The following OPCML variants were observed in gnomAD, a reference collection of about 807,000 sequenced individuals.
OPCML encodes the protein opioid-binding protein/cell adhesion molecule.
In OPCML, 13 loss-of-function variants were observed where a neutral mutation model predicts 37.8. The ratio of observed to expected loss-of-function variants is 0.34; its 90% CI spans 0.22 to 0.55. The LOEUF (loss-of-function observed/expected upper bound fraction) is 0.55. OPCML is among the 20% of genes least tolerant of loss of function. The probability of loss-of-function intolerance (pLI) is 0.91; values close to 1 mark genes in which losing one functional copy is unlikely to be tolerated. For missense variants in OPCML, 341 were observed against 435.6 expected (o/e 0.78, Z 1.93); for synonymous variants, 176 against 168.8 (o/e 1.04, Z -0.33).
intron 4 of OPCML, among the ~76,000 whole-genome samples, chr11:132,485,361 T>G (rs2096196373): frequency 6.6e-6 from 1 of 152,120 alleles, no homozygotes; most frequent in Non-Finnish European, 1.5e-5. Context: ...TTTGTGTTTT[T>G]TGTTTGTTTG....
At position 132,781,211 on chromosome 11, in the gene OPCML, G is replaced by A. The variant is rs576613610; in HGVS notation, c.147-123892C>T. On this transcript the variant is annotated intron_variant, in intron 2 of 7. Coordinates refer to ENST00000524381, the MANE Select transcript of OPCML (RefSeq NM_001012393.5). ...TGGGTGTGGCTGTGAGGTCATTTCCGGATAAGACAAACTCTCGAATAGGTG... is the reference window on the plus strand; with the variant it reads ...TGGGTGTGGCTGTGAGGTCATTTCCAGATAAGACAAACTCTCGAATAGGTG... Among the ~76,000 whole-genome samples, 21 of 152,178 alleles carry A rather than the reference G, an allele frequency of 1.4e-4. No individual in the cohort carries two copies. The South Asian group carries it at 2.3e-3, about 17-fold the overall frequency.
intron 1 of OPCML, among the ~76,000 whole-genome samples, chr11:133,106,010 T>C (rs1205728476): frequency 2.2e-5 from 3 of 136,066 alleles, no homozygotes; most frequent in African/African-American, 8.5e-5. Context: ...AAAAAAAGAA[T>C]ACTTTTGTAG....
At chr11:132,713,515 A>G (rs535055660) in intron 2 of OPCML, among the ~76,000 whole-genome samples, 5 of 152,346 alleles carry the variant, frequency 3.3e-5, no homozygotes, top group East Asian at 1.9e-4. Context: ...ATGATAAAAA[A>G]AGGATCTTAT....
chr11:132,620,095 A>G (rs1939309412), intron 3 of OPCML, among the ~76,000 whole-genome samples: 1 of 151,648 alleles, frequency 6.6e-6, no homozygotes, highest in African/African-American at 2.4e-5. Flanking sequence ...ATACTGTTGA[A>G]TAGTAACCAC....
At chr11:133,254,954 G>T (rs1461164724) in intron 1 of OPCML, among the ~76,000 whole-genome samples, 1 of 152,158 alleles carries the variant, frequency 6.6e-6, no homozygotes, top group Non-Finnish European at 1.5e-5. Flanking sequence ...CAAATAAGAG[G>T]CAGGAAAGCC....
chr11:133,340,949 T>TA (rs1943855997), intron 1 of OPCML, among the ~76,000 whole-genome samples: 1 of 152,128 alleles, frequency 6.6e-6, no homozygotes, highest in Non-Finnish European at 1.5e-5. Flanking sequence ...ATACCAGTGT[T>TA]AAAAAGATGC....
rs749701062 is a variant in OPCML at position 132,436,736 on chromosome 11, G to A, written c.687C>T (p.Val229=). The change falls in exon 6 of 8, where the codon GTC becomes GTT. Residue 229 remains valine (V), a synonymous_variant. Transcript: ENST00000524381. The part of the protein sequence containing the change: ...ISKAKNTGVS[V]GQKGILSCEA... Reference sequence around the variant, plus strand: ...CACAGCTCAGGATGCCCTTCTGACCGACTGAAACACCAGTGTTCTTGGCTT... The same window carrying A: ...CACAGCTCAGGATGCCCTTCTGACCAACTGAAACACCAGTGTTCTTGGCTT... 14 of 1,614,076 alleles carry A rather than the reference G, an allele frequency of 8.7e-6. No homozygotes were observed. Among genetic ancestry groups the A allele is most frequent in the Middle Eastern group, 1.6e-4 (1 of 6,062 alleles).
chr11:132,735,859 C>G, intron 2 of OPCML, among the ~76,000 whole-genome samples: 1 of 152,110 alleles, frequency 6.6e-6, no homozygotes, highest in East Asian at 1.9e-4. Flanking sequence ...TTAAAGAGAT[C>G]TTTGGATGCC....
At chr11:132,833,331 G>A (rs769027803) in intron 2 of OPCML, among the ~76,000 whole-genome samples, 1 of 152,010 alleles carries the variant, frequency 6.6e-6, no homozygotes, top group Non-Finnish European at 1.5e-5. Flanking sequence ...GCCGAGGCCT[G>A]CACAGGGTCA....
At chr11:133,344,581 T>C (rs1023699443) in intron 1 of OPCML, among the ~76,000 whole-genome samples, 1 of 152,192 alleles carries the variant, frequency 6.6e-6, no homozygotes, top group Admixed American at 6.5e-5. Context: ...ACATGTGGCA[T>C]GCTGGCCATG....
At chr11:132,850,583 A>C (rs751701033) in intron 2 of OPCML, among the ~76,000 whole-genome samples, 1 of 152,098 alleles carries the variant, frequency 6.6e-6, no homozygotes. Flanking sequence ...ACTCATGTGT[A>C]TAGTTTGTAT....
chr11:132,804,695 C>T (rs1173158856), intron 2 of OPCML, among the ~76,000 whole-genome samples: 3 of 152,132 alleles, frequency 2.0e-5, no homozygotes, highest in South Asian at 2.1e-4. Flanking sequence ...AAGCCTCAAA[C>T]GAAGCCCTGA....
Position 133,332,464 on chromosome 11 carries a change from T to C in OPCML, c.61+199800A>G, listed in dbSNP as rs1208019515. 2.0e-5 allele frequency among the ~76,000 whole-genome samples: 3 copies of C among 152,120 alleles called. No individual in the cohort carries two copies. The East Asian group carries it at 5.8e-4, about 29-fold the overall frequency. On this transcript the variant is annotated intron_variant, in intron 1 of 7. Coordinates refer to ENST00000524381, the MANE Select transcript of OPCML (RefSeq NM_001012393.5). ...TTGGCTAGCACTTCCCATACTATGT[T>C]GAATAGAAGTGGTGAGAGAATAGAA... is the stretch of plus-strand genomic sequence containing the variant.
In OPCML at chr11:133,054,663, G is replaced by A. The variant is rs184592239; in HGVS notation, c.62-111653C>T. Among the ~76,000 whole-genome samples the A allele has an allele frequency of 2.3e-3, 348 of 152,268 alleles. 2 individuals carry two copies. The highest frequency in any genetic ancestry group is 7.5e-3 in the African/African-American group (310 of 41,570). On this transcript the variant is annotated intron_variant, in intron 1 of 7. Coordinates refer to ENST00000524381, the MANE Select transcript of OPCML (RefSeq NM_001012393.5). ...ATTTCGATTTAACCATCAGAAATGG[G>A]GACACTTCTCAGTCTGCTCTCTCCT...
chr11:133,060,166 CTCTCCCTCTCCCTCTCCCTCTCCT>C lies in OPCML; in HGVS notation c.62-117180_62-117157del, dbSNP rs1488156664. ...ACTTCCAAATCTTATTCTCCTCTCC[CTCTCCCTCTCCCTCTCCCTCTCCT>C]TCTCCCTCTCCCTCTCCCTCCCCCT... On this transcript the variant is annotated intron_variant, in intron 1 of 7. Coordinates refer to ENST00000524381, the MANE Select transcript of OPCML (RefSeq NM_001012393.5). 4.0e-5 allele frequency among the ~76,000 whole-genome samples: 6 copies of C among 150,544 alleles called. No homozygotes were observed. In the East Asian group the frequency reaches 5.9e-4, roughly 15 times the overall value.
chr11:132,771,171 G>A (rs1946623331), intron 2 of OPCML, among the ~76,000 whole-genome samples: 1 of 152,218 alleles, frequency 6.6e-6, no homozygotes, highest in Admixed American at 6.5e-5. Flanking sequence ...AGGTTAGTTA[G>A]AGCATATTTC....
chr11:133,070,818 G>A lies in OPCML; in HGVS notation c.62-127808C>T, dbSNP rs558900189. Among the ~76,000 whole-genome samples, 12 of 152,342 alleles carry A rather than the reference G, an allele frequency of 7.9e-5. 1 individual carries two copies. Among genetic ancestry groups the A allele is most frequent in the Admixed American group, 6.5e-4 (10 of 15,302 alleles). On this transcript the variant is annotated intron_variant, in intron 1 of 7. Coordinates refer to ENST00000524381, the MANE Select transcript of OPCML (RefSeq NM_001012393.5). Reference sequence around the variant, plus strand: ...AAAGACAAAGGAGCAGGGGCTGGGGGTCAAGCGATGTTGGTTCCTCGGACT... The same window carrying A: ...AAAGACAAAGGAGCAGGGGCTGGGGATCAAGCGATGTTGGTTCCTCGGACT...
At chr11:132,689,710 A>C (rs1419168887) in intron 2 of OPCML, among the ~76,000 whole-genome samples, 3 of 152,238 alleles carry the variant, frequency 2.0e-5, no homozygotes, top group African/African-American at 7.2e-5. Flanking sequence ...ATTCCAACTC[A>C]GCCCTGCCAT....
intron 2 of OPCML, among the ~76,000 whole-genome samples, chr11:132,875,391 A>G (rs1014596504): frequency 3.3e-5 from 5 of 152,180 alleles, no homozygotes; most frequent in Non-Finnish European, 7.3e-5. Flanking sequence ...TAGGTGCTCA[A>G]AATATGGTAG....
Sources: gnomAD v4.1 joint callset for allele counts (sites outside exome capture counted in the v4.1 genomes callset) on GRCh38, gnomAD v4.1.1 for gene constraint, MANE v1.5 for transcripts, NCBI Gene and HGNC (gene_info 2026-07-23, HGNC 2026-07-21) for gene names.